The following ELP4 variants were observed in gnomAD, a reference collection of about 807,000 sequenced individuals.
ELP4 encodes the protein elongator complex protein 4.
ELP4 carries 51 observed loss-of-function variants against 48.9 expected under a neutral mutation model. The observed-to-expected ratio is 1.04, with a 90% CI of 0.83 to 1.32. The LOEUF is 1.32. Ranked by LOEUF, ELP4 falls within the 40% of genes most tolerant of loss-of-function variation. The pLI, the probability that ELP4 is intolerant of heterozygous loss-of-function variation, is 0.00. For synonymous variants in ELP4, 210 were observed against 189.2 expected, an observed-to-expected ratio of 1.11 and a Z score of -0.90; for missense variants, 519 against 514.6, an observed-to-expected ratio of 1.01 and a Z score of -0.08.
At chr11:31,691,438 T>G (rs765449564) in intron 9 of ELP4, among the ~76,000 whole-genome samples, 5 of 152,102 alleles carry the variant, frequency 3.3e-5, no homozygotes, top group Admixed American at 6.6e-5. Context: ...TATGCTTCAT[T>G]CAGCTTCTGG....
chr11:31,650,045 A>G (rs1373772131), intron 8 of ELP4, 70 bp from the exon 9 acceptor site: 6 of 667,756 alleles, frequency 9.0e-6, no homozygotes, highest in Non-Finnish European at 1.6e-5. Context: ...ATTCTGCTAT[A>G]AGACTGTTTA....
rs766302485 is a variant in ELP4 at position 31,509,970 on chromosome 11, G to A, written c.186G>A (p.Leu62=). 2.2e-5 allele frequency: 35 copies of A among 1,612,510 alleles called. No homozygotes were observed. Among genetic ancestry groups the A allele is most frequent in the Non-Finnish European group, 2.7e-5 (32 of 1,180,026 alleles). The change falls in exon 1 of 10, where the codon CTG becomes CTA. Residue 62 remains leucine (L), a synonymous_variant. Transcript: ENST00000640961. Reference sequence around the variant, plus strand: ...CGTCGGTGCGGAATGGACAGCTGCTGGTATCAACCGGGCTCCCAGCCCTAG... The same window carrying A: ...CGTCGGTGCGGAATGGACAGCTGCTAGTATCAACCGGGCTCCCAGCCCTAG... ...TRPSVRNGQL[L]VSTGLPALDQ...
At chr11:31,659,068 A>G (rs1945500042) in intron 9 of ELP4, among the ~76,000 whole-genome samples, 1 of 152,102 alleles carries the variant, frequency 6.6e-6, no homozygotes. Context: ...CATTAAGAAA[A>G]TATAATGATA....
intron 9 of ELP4, among the ~76,000 whole-genome samples, chr11:31,683,382 G>A (rs746053387): frequency 1.3e-5 from 2 of 152,052 alleles, no homozygotes; most frequent in Non-Finnish European, 2.9e-5. Context: ...CAAAGTATGA[G>A]GTTTCCATTT....
chr11:31,744,077 A>G (rs1415376490), intron 9 of ELP4, among the ~76,000 whole-genome samples: 1 of 152,266 alleles, frequency 6.6e-6, no homozygotes, highest in African/African-American at 2.4e-5. Context: ...CCGATCCCAC[A>G]GAAATACAAA....
intron 2 of ELP4, among the ~76,000 whole-genome samples, chr11:31,533,368 CTTTTTTTTT>C (rs71060492): frequency 5.2e-4 from 26 of 50,478 alleles, no homozygotes; most frequent in African/African-American, 5.9e-4. Context: ...CCATCTCATT[CTTTTTTTTT>C]TTTTTTTTTT....
chr11:31,785,487 A>G lies in ELP4; in HGVS notation c.*1963A>G, dbSNP rs1948544172. 2 of 189,040 alleles carry G rather than the reference A, an allele frequency of 1.1e-5. No individual in the cohort carries two copies. Among genetic ancestry groups the G allele is most frequent in the South Asian group, 3.9e-4 (2 of 5,138 alleles). The allele number at this position is 189,040 out of a possible 1,614,324, so 11.7% of individuals were successfully genotyped here. On this transcript the variant is annotated 3_prime_UTR_variant, in exon 10 of 10. Transcript: ENST00000640961. ...TTAATATATGCTTTGCAAATAGATAACTACTATAAAAATTGAATATGCATA... is the reference window on the plus strand; with the variant it reads ...TTAATATATGCTTTGCAAATAGATAGCTACTATAAAAATTGAATATGCATA...
intron 9 of ELP4, among the ~76,000 whole-genome samples, chr11:31,756,461 C>T (rs564330105): frequency 1.3e-5 from 2 of 152,296 alleles, no homozygotes; most frequent in East Asian, 3.9e-4. Flanking sequence ...TTCTTCTTCT[C>T]CTAGGACTCT....
intron 5 of ELP4, among the ~76,000 whole-genome samples, chr11:31,604,158 C>T (rs1957829896): frequency 6.6e-6 from 1 of 151,666 alleles, no homozygotes; most frequent in Non-Finnish European, 1.5e-5. Flanking sequence ...AAAATCAGGA[C>T]ACCAAATTTA....
chr11:31,540,961 C>T (rs1218013995), intron 3 of ELP4, among the ~76,000 whole-genome samples: 1 of 152,148 alleles, frequency 6.6e-6, no homozygotes, highest in African/African-American at 2.4e-5. Context: ...AGAGAGGACA[C>T]TTTTAACTTT....
At chr11:31,578,671 A>G (rs1441639691) in intron 3 of ELP4, among the ~76,000 whole-genome samples, 3 of 152,220 alleles carry the variant, frequency 2.0e-5, no homozygotes, top group African/African-American at 7.2e-5. Context: ...CAAACCTGAC[A>G]AAAACAAGAA....
chr11:31,688,868 G>T (rs543181551), intron 9 of ELP4, among the ~76,000 whole-genome samples: 13 of 152,226 alleles, frequency 8.5e-5, no homozygotes, highest in African/African-American at 2.9e-4. Context: ...GAGGATTTGA[G>T]GGGGGAAAAT....
intron 5 of ELP4, among the ~76,000 whole-genome samples, chr11:31,621,951 C>A (rs1369466059): frequency 1.3e-5 from 2 of 151,740 alleles, no homozygotes; most frequent in African/African-American, 2.4e-5. Context: ...TGTCGCACAG[C>A]CTTGGGCAAA....
chr11:31,541,292 A>G (rs1473463335), intron 3 of ELP4: 1 of 152,182 alleles, frequency 6.6e-6, no homozygotes. Context: ...AGAAACCTGT[A>G]TTTGATTGAT....
chr11:31,628,676 G>C, intron 6 of ELP4, among the ~76,000 whole-genome samples: 1 of 151,884 alleles, frequency 6.6e-6, no homozygotes, highest in East Asian at 1.9e-4. Context: ...ATTAAACAGG[G>C]TTCAGGTAGA....
chr11:31,547,855 C>T (rs1428556799), intron 3 of ELP4, among the ~76,000 whole-genome samples: 1 of 152,106 alleles, frequency 6.6e-6, no homozygotes, highest in African/African-American at 2.4e-5. Context: ...TAAATGTAAT[C>T]CAGCATATAA....
chr11:31,767,033 A>G (rs563613385), intron 9 of ELP4, among the ~76,000 whole-genome samples: 1 of 152,312 alleles, frequency 6.6e-6, no homozygotes, highest in African/African-American at 2.4e-5. Flanking sequence ...TGCTCTGAGT[A>G]TCTCAAGAAA....
chr11:31,524,242 C>T (rs762554749), intron 2 of ELP4, among the ~76,000 whole-genome samples: 23 of 152,186 alleles, frequency 1.5e-4, no homozygotes, highest in African/African-American at 3.6e-4. Flanking sequence ...CACACTCCCA[C>T]GGAGTCCTCA....
Position 31,789,761 on chromosome 11 carries a change from CT to C in ELP4, c.*6239del, listed in dbSNP as rs1352463196. 2 of 719,960 alleles carry C rather than the reference CT, an allele frequency of 2.8e-6. No homozygotes were observed. Among genetic ancestry groups the C allele is most frequent in the African/African-American group, 3.5e-5 (2 of 57,384 alleles). 44.6% of individuals were successfully genotyped at this position (719,960 alleles called of 1,614,324 possible). On this transcript the variant is annotated 3_prime_UTR_variant, in exon 10 of 10. Coordinates refer to ENST00000640961, the MANE Select transcript of ELP4 (RefSeq NM_019040.5). ...ATCGTGCCTTCTGTATACAAAGGTC[CT>C]TGTTTCAAGTCCATTCCTTCCCCAG...
Sources: allele counts gnomAD v4.1 joint callset (sites outside exome capture counted in the v4.1 genomes callset), GRCh38; gene constraint gnomAD v4.1.1; transcripts MANE v1.5; gene names NCBI Gene and HGNC (gene_info 2026-07-23, HGNC 2026-07-21).